Variants in ZSWIM6 observed in about 807,000 individuals in gnomAD.
The protein encoded by ZSWIM6 is zinc finger SWIM-type containing 6.
A neutral mutation model predicts 113.2 loss-of-function variants in ZSWIM6; 9 were observed. That is an observed-to-expected ratio of 0.08 (90% confidence interval 0.05 to 0.14). ZSWIM6 has a LOEUF of 0.14. Among genes scored for constraint, ZSWIM6 ranks in the 10% least tolerant of loss-of-function variants. ZSWIM6 has a pLI of 1.00. For missense variants in ZSWIM6, 1,162 were observed against 1,552.2 expected, an observed-to-expected ratio of 0.75 and a Z score of 4.22; for synonymous variants, 611 against 606.5, an observed-to-expected ratio of 1.01 and a Z score of -0.11.
intron 1 of ZSWIM6, among the ~76,000 whole-genome samples, chr5:61,442,529 C>T (rs571904289): frequency 4.6e-5 from 7 of 152,272 alleles, no homozygotes; most frequent in African/African-American, 7.2e-5. Context: ...AAAGACAGAT[C>T]ACAGCAGGAC....
rs1205380238 is a variant in ZSWIM6 at position 61,332,660 on chromosome 5, G to A, written c.388G>A (p.Gly130Ser). The A allele has an allele frequency of 3.6e-6, 4 of 1,124,742 alleles. No homozygotes were observed. In the Middle Eastern group the frequency reaches 8.9e-4, roughly 251 times the overall value. 69.7% of individuals were successfully genotyped at this position (1,124,742 alleles called of 1,614,324 possible). A position where few individuals can be genotyped will look rare whatever the true frequency, so the allele number is the denominator to read the frequency against. The part of the protein sequence containing the change: ...EICMYSSFNT[G>S]GGAAGGPGDD... ...CTGCATGTACTCGTCCTTCAACACC[G>A]GCGGCGGCGCCGCGGGCGGCCCCGG... Residue 130 changes from glycine (G) to serine (S), a missense_variant, in exon 1 of 14, where the codon GGC becomes AGC. By Grantham distance (56) the Gly-to-Ser change is moderately conservative. Transcript: ENST00000252744.
intron 3 of ZSWIM6, among the ~76,000 whole-genome samples, chr5:61,491,659 TA>T (rs1204774657): frequency 6.6e-6 from 1 of 152,106 alleles, no homozygotes; most frequent in Non-Finnish European, 1.5e-5. Context: ...AAATACTGGA[TA>T]AAATGCTTTT....
intron 1 of ZSWIM6, among the ~76,000 whole-genome samples, chr5:61,403,420 G>T (rs1317316624): frequency 1.3e-5 from 2 of 152,212 alleles, no homozygotes; most frequent in South Asian, 4.1e-4. Context: ...GGTCAGTCCT[G>T]TTCCTCTTGC....
intron 10 of ZSWIM6, among the ~76,000 whole-genome samples, chr5:61,537,541 T>C (rs1289093064): frequency 6.7e-6 from 1 of 148,484 alleles, no homozygotes; most frequent in Non-Finnish European, 1.5e-5. Context: ...TGCCTGTGAA[T>C]ACGAGGATAT....
chr5:61,539,447 C>A, intron 11 of ZSWIM6, 149 bp from the exon 12 acceptor site: 1 of 911,930 alleles, frequency 1.1e-6, no homozygotes, highest in Non-Finnish European at 1.6e-6. Flanking sequence ...CATCTGTGAA[C>A]ATGTTAGGTA....
At chr5:61,497,777 A>G (rs183161106) in intron 4 of ZSWIM6, among the ~76,000 whole-genome samples, 161 of 152,352 alleles carry the variant, frequency 1.1e-3, no homozygotes, top group African/African-American at 3.8e-3. Context: ...GCCCCATTGC[A>G]ATGGTAGAGG....
chr5:61,384,646 T>C (rs1220150703), intron 1 of ZSWIM6, among the ~76,000 whole-genome samples: 1 of 152,224 alleles, frequency 6.6e-6, no homozygotes, highest in African/African-American at 2.4e-5. Flanking sequence ...TGACTTTGAA[T>C]GTTGATGGAA....
intron 1 of ZSWIM6, among the ~76,000 whole-genome samples, chr5:61,389,895 T>C (rs182145393): frequency 1.4e-3 from 208 of 152,334 alleles, no homozygotes; most frequent in African/African-American, 4.5e-3. Flanking sequence ...ATGTAGTTTT[T>C]GATCTGGGAA....
chr5:61,507,558 A>G (rs377352080), intron 4 of ZSWIM6, among the ~76,000 whole-genome samples: 24 of 152,238 alleles, frequency 1.6e-4, no homozygotes, highest in South Asian at 2.1e-4. Flanking sequence ...ATCTTGAATC[A>G]TAAATTGAGC....
Position 61,469,992 on chromosome 5 carries a change from C to T in ZSWIM6, c.677-2689C>T, listed in dbSNP as rs148023408. ...AAAGTGCTGGGATTACAGGCATGAG[C>T]CACCACTCCTGGCCAATAGTTAAAT... On this transcript the variant is annotated intron_variant, in intron 1 of 13. Coordinates refer to ENST00000252744, the MANE Select transcript of ZSWIM6 (RefSeq NM_020928.2). Among the ~76,000 whole-genome samples, 650 of 152,326 alleles carry T rather than the reference C, an allele frequency of 4.3e-3. 4 individuals carry two copies. The highest frequency in any genetic ancestry group is 0.014 in the African/African-American group (572 of 41,576).
Position 61,332,537 on chromosome 5 carries a change from T to C in ZSWIM6, c.265T>C (p.Trp89Arg). Reference protein sequence around the residue: ...DIAARRVAEKWPFQRVEERFE... With the variant: ...DIAARRVAEKRPFQRVEERFE... ...CGCGGCGCGCAGGGTGGCGGAGAAG[T>C]GGCCGTTCCAGCGCGTGGAGGAGCG... Residue 89 changes from tryptophan (W) to arginine (R), a missense_variant, in exon 1 of 14, where the codon TGG becomes CGG. Transcript: ENST00000252744. 1 of 1,344,842 alleles carries C rather than the reference T, an allele frequency of 7.4e-7. No homozygotes were observed. Among genetic ancestry groups the C allele is most frequent in the African/African-American group, 1.6e-5 (1 of 63,784 alleles). 83.3% of individuals were successfully genotyped at this position (1,344,842 alleles called of 1,614,324 possible).
intron 2 of ZSWIM6, among the ~76,000 whole-genome samples, chr5:61,479,567 T>C (rs577123284): frequency 6.6e-6 from 1 of 152,280 alleles, no homozygotes; most frequent in East Asian, 1.9e-4. Context: ...CTCTCCAGGT[T>C]GACTAGAAGA....
In ZSWIM6 at chr5:61,467,649, G is replaced by T. The variant is rs143163948; in HGVS notation, c.677-5032G>T. Among the ~76,000 whole-genome samples the T allele has an allele frequency of 9.2e-5, 14 of 152,276 alleles. No individual in the cohort carries two copies. The East Asian group carries it at 2.7e-3, about 29-fold the overall frequency. ...CATTATAACATTTTAGAATCCTATA[G>T]TTACTAGAAAAGATTCTCCCCTAAT... On this transcript the variant is annotated intron_variant, in intron 1 of 13. Coordinates refer to ENST00000252744, the MANE Select transcript of ZSWIM6 (RefSeq NM_020928.2).
At chr5:61,381,340 T>C in intron 1 of ZSWIM6, among the ~76,000 whole-genome samples, 1 of 152,218 alleles carries the variant, frequency 6.6e-6, no homozygotes, top group Non-Finnish European at 1.5e-5. Context: ...TTCATAAACA[T>C]TTATTGTTCC....
At chr5:61,542,222 CTG>C (rs1018313950) in intron 13 of ZSWIM6, among the ~76,000 whole-genome samples, 4 of 152,176 alleles carry the variant, frequency 2.6e-5, no homozygotes, top group Non-Finnish European at 4.4e-5. Flanking sequence ...AGTGAGTAAA[CTG>C]TTTTTATTCA....
intron 7 of ZSWIM6, among the ~76,000 whole-genome samples, chr5:61,529,606 G>T (rs763961822): frequency 7.2e-4 from 109 of 152,318 alleles, no homozygotes; most frequent in Non-Finnish European, 2.9e-5. Flanking sequence ...TCTGCATATC[G>T]TGGTAGAGTT....
intron 10 of ZSWIM6, among the ~76,000 whole-genome samples, chr5:61,536,830 A>G (rs1749587394): frequency 6.6e-6 from 1 of 152,188 alleles, no homozygotes; most frequent in Non-Finnish European, 1.5e-5. Context: ...AATCTTCTTA[A>G]GTATTCTTTT....
chr5:61,531,561 T>A lies in ZSWIM6; in HGVS notation c.2081T>A (p.Val694Glu). The change falls in exon 9 of 14, where the codon GTA becomes GAA. Residue 694 changes from valine to glutamate, a missense_variant. Physicochemically the swap from Val to Glu is moderately radical, Grantham distance 121. Transcript: ENST00000252744. ...TCCTATTTAACGCTGGCTGTGGAAG[T>A]AGCCCTGATAGGGCTAGGACAGCAG... is the stretch of plus-strand genomic sequence containing the variant. ...GESYLTLAVE[V>E]ALIGLGQQRI... The A allele has an allele frequency of 6.4e-7, 1 of 1,551,698 alleles. No homozygotes were observed. The highest frequency in any genetic ancestry group is 8.7e-7 in the Non-Finnish European group (1 of 1,146,974).
At chr5:61,517,538 T>C (rs1394192712) in intron 4 of ZSWIM6, among the ~76,000 whole-genome samples, 1 of 152,098 alleles carries the variant, frequency 6.6e-6, no homozygotes, top group Non-Finnish European at 1.5e-5. Context: ...GTGTTTACTT[T>C]CATCTCATGG....
Sources: gnomAD v4.1 joint callset for allele counts (sites outside exome capture counted in the v4.1 genomes callset) on GRCh38, gnomAD v4.1.1 for gene constraint, MANE v1.5 for transcripts, NCBI Gene and HGNC (gene_info 2026-07-23, HGNC 2026-07-21) for gene names.